GDPD2: variants seen among roughly 807,000 people sequenced by gnomAD.
The protein encoded by GDPD2 is glycerophosphodiester phosphodiesterase domain containing 2, also known as glycerophosphodiester phosphodiesterase 3.
Under a neutral mutation model 49.2 loss-of-function variants are expected in GDPD2, and 23 were observed. That is an observed-to-expected ratio of 0.47 (90% CI 0.34 to 0.66). The LOEUF (loss-of-function observed/expected upper bound fraction) is 0.66. GDPD2 is among the 30% of genes least tolerant of loss of function. The pLI is 0.01. For missense variants in GDPD2, 338 were observed against 424.7 expected, an observed-to-expected ratio of 0.80 and a Z score of 1.79; for synonymous variants, 167 against 171.4, an observed-to-expected ratio of 0.97 and a Z score of 0.20.
rs2086433447 is a variant in GDPD2 at position 70,427,135 on chromosome X, A to G, written c.703-2A>G. 8.3e-7 allele frequency: 1 copy of G among 1,202,299 alleles called. No individual in the cohort carries two copies. Among genetic ancestry groups the G allele is most frequent in the Admixed American group, 2.2e-5 (1 of 45,996 alleles). On this transcript the variant is annotated splice_acceptor_variant, in intron 8 of 15. Coordinates refer to ENST00000374382, the MANE Select transcript of GDPD2 (RefSeq NM_017711.4). LOFTEE classifies it high-confidence loss of function. ...TACCTCATCACCTATTCCCTTTCCC[A>G]GCTGGCTCCCGAGAACACCCTGATG...
chrX:70,431,149 TA>T, intron 12 of GDPD2: 1 of 1,115,842 alleles, frequency 9.0e-7, no homozygotes, highest in Non-Finnish European at 1.2e-6. Flanking sequence ...TTCCCCGAGT[TA>T]TCACCAAAGA....
chrX:70,424,811 T>C (rs920376980), intron 1 of GDPD2, among the ~76,000 whole-genome samples, 165 bp from the exon 2 acceptor site: 1 of 112,939 alleles, frequency 8.9e-6, no homozygotes, highest in Non-Finnish European at 1.9e-5. Context: ...CAGCTGGGGC[T>C]GCTCGCCTCA....
In GDPD2 at chrX:70,432,784, T is replaced by A. The variant is rs1019678548; in HGVS notation, c.1538+123T>A. The A allele has an allele frequency of 1.5e-5, 11 of 723,066 alleles. No homozygotes were observed. In the African/African-American group the frequency reaches 2.3e-4, roughly 15 times the overall value. 59.6% of individuals were successfully genotyped at this position (723,066 alleles called of 1,213,427 possible). A position where few individuals can be genotyped will look rare whatever the true frequency, so the allele number is the denominator to read the frequency against. On this transcript the variant is annotated intron_variant, in intron 14 of 15. Coordinates refer to ENST00000374382, the MANE Select transcript of GDPD2 (RefSeq NM_017711.4). ...GTCTCTTTAGTTCCTTTGAGATTCTTAGGCCCTTCCTTATACTATCAAATT... is the reference window on the plus strand; with the variant it reads ...GTCTCTTTAGTTCCTTTGAGATTCTAAGGCCCTTCCTTATACTATCAAATT...
At chrX:70,430,975 G>A in intron 12 of GDPD2, 1 of 392,916 alleles carries the variant, frequency 2.5e-6, no homozygotes, top group Non-Finnish European at 4.4e-6. Context: ...TTTTTTTAGA[G>A]ACAGGTTCCT....
intron 13 of GDPD2, 44 bp downstream of exon 13, chrX:70,432,498 G>A: frequency 8.5e-7 from 1 of 1,180,897 alleles, no homozygotes; most frequent in Non-Finnish European, 1.2e-6. Flanking sequence ...TCCCATCCCT[G>A]GTTTTCCTTA....
intron 9 of GDPD2, 30 bp downstream of exon 9, chrX:70,427,249 G>T: frequency 1.7e-6 from 2 of 1,196,121 alleles, no homozygotes; most frequent in Non-Finnish European, 2.3e-6. Context: ...AGGGGATCTG[G>T]GGGGCTGAAG....
Position 70,425,071 on chromosome X carries a change from G to A in GDPD2, c.87G>A (p.Glu29=). The part of the protein sequence containing the change: ...YSCHWRKCPR[E]RMQTSKCDCI... Reference sequence around the variant, plus strand: ...GCCACTGGAGGAAATGCCCCAGAGAGAGGATGCAAACCAGCAAGGTGGAGT... The same window carrying A: ...GCCACTGGAGGAAATGCCCCAGAGAAAGGATGCAAACCAGCAAGGTGGAGT... The change falls in exon 2 of 16, where the codon GAG becomes GAA. Residue 29 remains glutamate (E), a synonymous_variant. Coordinates refer to ENST00000374382, the MANE Select transcript of GDPD2 (RefSeq NM_017711.4). The A allele has an allele frequency of 8.4e-7, 1 of 1,191,947 alleles. No homozygotes were observed. Among genetic ancestry groups the A allele is most frequent in the Non-Finnish European group, 1.1e-6 (1 of 881,984 alleles).
At chrX:70,430,322 A>T (rs2086464690) in intron 12 of GDPD2, among the ~76,000 whole-genome samples, 1 of 112,519 alleles carries the variant, frequency 8.9e-6, no homozygotes, top group Admixed American at 9.4e-5. Context: ...CATATTGAAA[A>T]GTGAAAAAGT....
rs779182066 is a variant in GDPD2, at chrX:70,425,401, C to A, written c.153C>A (p.Ser51=). The stretch of plus-strand genomic sequence containing the variant: ...TGCTCTTCCTCACCTTCCTCCTTTC[C>A]CTGAGCTGGCTGTACATCGGGCTCG... ...FGLLFLTFLL[S]LSWLYIGLVL... Residue 51 remains serine, a synonymous_variant, in exon 3 of 16, where the codon TCC becomes TCA. Transcript: ENST00000374382. The A allele has an allele frequency of 1.7e-6, 2 of 1,205,972 alleles. No individual in the cohort carries two copies. Among genetic ancestry groups the A allele is most frequent in the Admixed American group, 4.4e-5 (2 of 45,968 alleles).
rs754405517 is a variant in GDPD2 at position 70,426,787 on chromosome X, C to G, written c.556+46C>G. Reference sequence around the variant, plus strand: ...CTCACCCTTGCTGGCCACTCATGCTCTGCCACCTGCACTCTGCCTTCCATC... The same window carrying G: ...CTCACCCTTGCTGGCCACTCATGCTGTGCCACCTGCACTCTGCCTTCCATC... On this transcript the variant is annotated intron_variant, in intron 7 of 15. Coordinates refer to ENST00000374382, the MANE Select transcript of GDPD2 (RefSeq NM_017711.4). 4.3e-6 allele frequency: 5 copies of G among 1,166,691 alleles called. No homozygotes were observed. In the African/African-American group the frequency reaches 8.8e-5, roughly 21 times the overall value.
At chrX:70,430,182 C>A in intron 12 of GDPD2, 119 bp downstream of exon 12, 1 of 632,612 alleles carries the variant, frequency 1.6e-6, no homozygotes, top group East Asian at 3.3e-5. Flanking sequence ...ATTTACAGAA[C>A]ACTTGCCATG....
intron 12 of GDPD2, chrX:70,430,977 C>T (rs992002970): frequency 3.1e-5 from 12 of 388,938 alleles, no homozygotes; most frequent in Non-Finnish European, 4.8e-5. Context: ...TTTTTAGAGA[C>T]AGGTTCCTAC....
intron 10 of GDPD2, among the ~76,000 whole-genome samples, chrX:70,428,102 C>T (rs2086442972): frequency 9.2e-6 from 1 of 108,881 alleles, no homozygotes; most frequent in Non-Finnish European, 1.9e-5. Context: ...TACACACACA[C>T]ACACACACAC....
At chrX:70,423,898 C>A (rs755293234) in intron 1 of GDPD2, among the ~76,000 whole-genome samples, 6 of 111,732 alleles carry the variant, frequency 5.4e-5, no homozygotes, top group Non-Finnish European at 7.5e-5. Flanking sequence ...TCAGCCCGCA[C>A]GCACACATGC....
chrX:70,426,695 C>A lies in GDPD2; in HGVS notation c.510C>A (p.Leu170=). The part of the protein sequence containing the change: ...LHIGAAAGIA[L]LAWPVADTFY... ...TTGGAGCAGCCGCTGGAATTGCCCT[C>A]CTGGCCTGGCCTGTGGCTGATACCT... Residue 170 remains leucine (L), a synonymous_variant, in exon 7 of 16, where the codon CTC becomes CTA. Transcript: ENST00000374382. 1 of 1,208,651 alleles carries A rather than the reference C, an allele frequency of 8.3e-7. No homozygotes were observed. Among genetic ancestry groups the A allele is most frequent in the Non-Finnish European group, 1.1e-6 (1 of 892,920 alleles).
At chrX:70,430,971 T>TTTG in intron 12 of GDPD2, 1 of 421,115 alleles carries the variant, frequency 2.4e-6, no homozygotes, top group South Asian at 3.6e-5. Flanking sequence ...TTTTTTTTTT[T>TTTG]AGAGACAGGT....
chrX:70,424,818 C>T (rs2086405618), intron 1 of GDPD2, among the ~76,000 whole-genome samples, 158 bp from the exon 2 acceptor site: 1 of 112,909 alleles, frequency 8.9e-6, no homozygotes, highest in African/African-American at 3.2e-5. Context: ...GGCTGCTCGC[C>T]TCATCCACTC....
At chrX:70,431,756 G>T in intron 12 of GDPD2, among the ~76,000 whole-genome samples, 1 of 111,538 alleles carries the variant, frequency 9.0e-6, no homozygotes, top group Admixed American at 9.4e-5. Flanking sequence ...TGAACATGGT[G>T]GTGCCCACCT....
chrX:70,430,971 T>A lies in GDPD2; in HGVS notation c.1307+908T>A. The A allele has an allele frequency of 2.4e-6, 1 of 421,116 alleles. No homozygotes were observed. 34.7% of individuals were successfully genotyped at this position (421,116 alleles called of 1,213,427 possible). On this transcript the variant is annotated intron_variant, in intron 12 of 15. Transcript: ENST00000374382. ...AAGGCTATTTTTTTTTTTTTTTTTT[T>A]AGAGACAGGTTCCTACTACCTGCCC...
Sources: allele counts gnomAD v4.1 joint callset (sites outside exome capture counted in the v4.1 genomes callset), GRCh38; gene constraint gnomAD v4.1.1; transcripts MANE v1.5; gene names NCBI Gene and HGNC (gene_info 2026-07-23, HGNC 2026-07-21).